The following GALNTL6 variants were observed in gnomAD, a reference collection of about 807,000 sequenced individuals.
GALNTL6 encodes the protein polypeptide N-acetylgalactosaminyltransferase-like 6.
A neutral mutation model predicts 73.7 loss-of-function variants in GALNTL6; 46 were observed. The observed-to-expected ratio is 0.62, with a 90% confidence interval of 0.49 to 0.80. The LOEUF is 0.80. GALNTL6 is among the 30% of genes least tolerant of loss of function. GALNTL6 has a pLI of 0.00. For missense variants in GALNTL6, 604 were observed against 755.0 expected, an observed-to-expected ratio of 0.80 and a Z score of 2.34; for synonymous variants, 259 against 263.7, an observed-to-expected ratio of 0.98 and a Z score of 0.17.
intron 5 of GALNTL6, among the ~76,000 whole-genome samples, chr4:172,622,212 A>G (rs1015033859): frequency 6.6e-6 from 1 of 152,214 alleles, no homozygotes; most frequent in African/African-American, 2.4e-5. Context: ...GGAACTCAAG[A>G]AACAGAAAAT....
intron 5 of GALNTL6, among the ~76,000 whole-genome samples, chr4:172,481,518 T>G (rs1030774277): frequency 6.7e-6 from 1 of 149,714 alleles, no homozygotes; most frequent in Non-Finnish European, 1.5e-5. Context: ...AGCTGATTGG[T>G]CCATTTTACA....
intron 8 of GALNTL6, among the ~76,000 whole-genome samples, chr4:172,927,296 G>A (rs2111308517): frequency 6.6e-6 from 1 of 152,308 alleles, no homozygotes; most frequent in Non-Finnish European, 1.5e-5. Flanking sequence ...TTATAACTTG[G>A]CTGTGTGCCC....
intron 5 of GALNTL6, among the ~76,000 whole-genome samples, chr4:172,530,771 A>G (rs993380352): frequency 6.6e-6 from 1 of 152,246 alleles, no homozygotes; most frequent in Admixed American, 6.5e-5. Context: ...TGATAACTTT[A>G]GTACATACAA....
intron 8 of GALNTL6, among the ~76,000 whole-genome samples, chr4:172,924,850 C>T (rs1747965381): frequency 6.6e-6 from 1 of 151,996 alleles, no homozygotes; most frequent in African/African-American, 2.4e-5. Flanking sequence ...GAATGGTATG[C>T]TCAGATTTAT....
At chr4:171,993,647 G>A (rs951056853) in intron 2 of GALNTL6, among the ~76,000 whole-genome samples, 2 of 152,034 alleles carry the variant, frequency 1.3e-5, no homozygotes, top group African/African-American at 4.8e-5. Flanking sequence ...AAATAAGGCA[G>A]ATGATTTGGA....
intron 2 of GALNTL6, among the ~76,000 whole-genome samples, chr4:172,179,216 C>T (rs375588702): frequency 6.6e-6 from 1 of 151,008 alleles, no homozygotes; most frequent in Non-Finnish European, 1.5e-5. Flanking sequence ...TTCTAGATCC[C>T]TGAGGAATCG....
intron 5 of GALNTL6, among the ~76,000 whole-genome samples, chr4:172,559,222 G>A (rs1230271161): frequency 3.3e-5 from 5 of 151,430 alleles, no homozygotes; most frequent in Non-Finnish European, 5.9e-5. Context: ...CCGCCACCAC[G>A]CCCAGCTAAT....
chr4:172,067,334 G>A (rs1053620166), intron 2 of GALNTL6, among the ~76,000 whole-genome samples: 3 of 151,684 alleles, frequency 2.0e-5, no homozygotes, highest in Non-Finnish European at 4.4e-5. Flanking sequence ...CCCTCTACTC[G>A]CCTCTTTCCT....
At chr4:172,132,547 G>A (rs1733527414) in intron 2 of GALNTL6, among the ~76,000 whole-genome samples, 1 of 152,044 alleles carries the variant, frequency 6.6e-6, no homozygotes, top group Non-Finnish European at 1.5e-5. Context: ...GAGTGTGCAC[G>A]TGTGCATGTA....
chr4:172,584,744 A>C (rs914552119), intron 5 of GALNTL6, among the ~76,000 whole-genome samples: 1 of 152,214 alleles, frequency 6.6e-6, no homozygotes, highest in Non-Finnish European at 1.5e-5. Flanking sequence ...ATCCAAGTAC[A>C]GTCTGTAGCT....
chr4:172,957,747 A>C (rs2126365801), intron 10 of GALNTL6, among the ~76,000 whole-genome samples: 1 of 152,332 alleles, frequency 6.6e-6, no homozygotes, highest in Middle Eastern at 3.4e-3. Flanking sequence ...ATTGACGTGT[A>C]GTCCTTTTGC....
At chr4:172,392,010 A>G (rs1324825771) in intron 5 of GALNTL6, among the ~76,000 whole-genome samples, 3 of 151,958 alleles carry the variant, frequency 2.0e-5, no homozygotes, top group East Asian at 1.9e-4. Flanking sequence ...TTTCTTTGAG[A>G]TGGAGTCTTG....
intron 2 of GALNTL6, among the ~76,000 whole-genome samples, chr4:171,925,044 T>C (rs1737936677): frequency 6.6e-6 from 1 of 152,112 alleles, no homozygotes. Flanking sequence ...GTGAATGAAA[T>C]GCGCAGGAAA....
intron 2 of GALNTL6, among the ~76,000 whole-genome samples, chr4:171,854,383 G>T (rs1436507664): frequency 6.6e-6 from 1 of 152,184 alleles, no homozygotes; most frequent in Admixed American, 6.5e-5. Context: ...TTTTGAACAT[G>T]AGAAACGGCT....
At chr4:171,822,407 G>A (rs1283017765) in intron 2 of GALNTL6, among the ~76,000 whole-genome samples, 1 of 152,154 alleles carries the variant, frequency 6.6e-6, no homozygotes, top group Non-Finnish European at 1.5e-5. Flanking sequence ...CTGTGGGCAT[G>A]CTACTTAACA....
At chr4:172,001,726 C>G (rs911938511) in intron 2 of GALNTL6, among the ~76,000 whole-genome samples, 5 of 152,072 alleles carry the variant, frequency 3.3e-5, no homozygotes, top group Admixed American at 1.3e-4. Flanking sequence ...AAGCTCCTCT[C>G]TAGGGGTTCT....
chr4:172,982,793 CA>C (rs1474340513), intron 10 of GALNTL6, among the ~76,000 whole-genome samples: 1 of 151,132 alleles, frequency 6.6e-6, no homozygotes, highest in African/African-American at 2.4e-5. Flanking sequence ...ATTTTTTTTC[CA>C]AAAAATATTT....
chr4:172,280,798 T>G (rs1221664519), intron 3 of GALNTL6, among the ~76,000 whole-genome samples: 1 of 152,138 alleles, frequency 6.6e-6, no homozygotes, highest in Non-Finnish European at 1.5e-5. Flanking sequence ...AAATTCCATG[T>G]AAATTATATT....
chr4:172,408,099 G>A (rs1405093124), intron 5 of GALNTL6, among the ~76,000 whole-genome samples: 1 of 152,026 alleles, frequency 6.6e-6, no homozygotes, highest in Non-Finnish European at 1.5e-5. Flanking sequence ...GGATTCGGGT[G>A]AAATACTTCC....
Sources: gnomAD v4.1 joint callset for allele counts (sites outside exome capture counted in the v4.1 genomes callset) on GRCh38, gnomAD v4.1.1 for gene constraint, MANE v1.5 for transcripts, NCBI Gene and HGNC (gene_info 2026-07-23, HGNC 2026-07-21) for gene names.